The following ABCC9 variants were observed in gnomAD, a reference collection of about 807,000 sequenced individuals.
The protein encoded by ABCC9 is ATP binding cassette subfamily C member 9, also known as ATP-binding cassette sub-family C member 9.
ABCC9 carries 95 observed loss-of-function variants against 188.3 expected under a neutral mutation model. The ratio of observed to expected loss-of-function variants is 0.50; its 90% CI spans 0.43 to 0.60. The LOEUF is 0.60. Ranked by LOEUF, ABCC9 falls within the 20% of genes least tolerant of loss-of-function variation. ABCC9 has a pLI of 0.00. For synonymous variants in ABCC9, 659 were observed against 652.7 expected (o/e 1.01, Z -0.15); for missense variants, 1,102 against 1,876.3 (o/e 0.59, Z 7.62).
At chr12:21,889,901 C>G (rs1947068801) in intron 14 of ABCC9, among the ~76,000 whole-genome samples, 1 of 152,068 alleles carries the variant, frequency 6.6e-6, no homozygotes. Flanking sequence ...TCCCATGTCC[C>G]CAGTCATTCT....
chr12:21,885,263 T>A (rs891949372), intron 15 of ABCC9, among the ~76,000 whole-genome samples: 2 of 152,212 alleles, frequency 1.3e-5, no homozygotes, highest in East Asian at 1.9e-4. Context: ...CACTCCATTT[T>A]AAAAAGTTTG....
intron 17 of ABCC9, among the ~76,000 whole-genome samples, chr12:21,875,009 A>G (rs1030884479): frequency 2.6e-5 from 4 of 152,200 alleles, no homozygotes; most frequent in Non-Finnish European, 5.9e-5. Flanking sequence ...ACGATTAACA[A>G]TATAGTACTG....
intron 30 of ABCC9, among the ~76,000 whole-genome samples, chr12:21,835,147 G>A (rs1429536782): frequency 6.6e-6 from 1 of 152,112 alleles, no homozygotes; most frequent in South Asian, 2.1e-4. Context: ...CAAACAGTCT[G>A]TCCAAATTAG....
At chr12:21,903,836 A>T (rs1039014996) in intron 12 of ABCC9, among the ~76,000 whole-genome samples, 11 of 152,234 alleles carry the variant, frequency 7.2e-5, no homozygotes, top group Non-Finnish European at 1.5e-4. Flanking sequence ...AATCAATATC[A>T]TGAAAATGGG....
At chr12:21,827,809 G>A (rs933839205) in intron 31 of ABCC9, among the ~76,000 whole-genome samples, 7 of 152,154 alleles carry the variant, frequency 4.6e-5, no homozygotes, top group Admixed American at 4.6e-4. Flanking sequence ...TAACTATGCT[G>A]TGCTGTTGAA....
chr12:21,821,668 T>C (rs1346595396), intron 31 of ABCC9, among the ~76,000 whole-genome samples: 2 of 152,180 alleles, frequency 1.3e-5, no homozygotes, highest in East Asian at 1.9e-4. Context: ...ATGGAAATCT[T>C]TGTATTCTAT....
chr12:21,941,401 C>G lies in ABCC9; in HGVS notation c.-338G>C, dbSNP rs1399726684. ...CCGCGCCTGGGGCCGGAGACCTTCC[C>G]CATCCCTGCTCTGCTCAGCTTTGAC... On this transcript the variant is annotated 5_prime_UTR_variant, in exon 1 of 40. Transcript: ENST00000261200. The surrounding 1 kb of genome is among the most constrained non-coding windows in gnomAD (Gnocchi z 5.4). The G allele has an allele frequency of 6.6e-6, 1 of 152,456 alleles. No individual in the cohort carries two copies. The highest frequency in any genetic ancestry group is 2.4e-5 in the African/African-American group (1 of 41,488). 9.4% of individuals were successfully genotyped at this position (152,456 alleles called of 1,614,324 possible). A position where few individuals can be genotyped will look rare whatever the true frequency, so the allele number is the denominator to read the frequency against.
chr12:21,841,018 G>A (rs1011953203), intron 29 of ABCC9, among the ~76,000 whole-genome samples: 17 of 152,092 alleles, frequency 1.1e-4, no homozygotes, highest in Non-Finnish European at 1.8e-4. Context: ...CCATGTATTA[G>A]GATTACTTTG....
At chr12:21,814,567 T>G (rs1377742510) in intron 35 of ABCC9, 77 bp downstream of exon 35, 1 of 1,237,108 alleles carries the variant, frequency 8.1e-7, no homozygotes. Flanking sequence ...TTTTGATTTC[T>G]GCAGGATTAG....
chr12:21,850,235 A>G (rs1944893733), intron 24 of ABCC9, among the ~76,000 whole-genome samples: 1 of 151,766 alleles, frequency 6.6e-6, no homozygotes, highest in Non-Finnish European at 1.5e-5. Flanking sequence ...CTAGGAGGGA[A>G]AATTGGCCCA....
At chr12:21,908,245 A>G (rs984743889) in intron 10 of ABCC9, 34 bp from the exon 11 acceptor site, 1 of 1,610,158 alleles carries the variant, frequency 6.2e-7, no homozygotes, top group Non-Finnish European at 8.5e-7. Flanking sequence ...AGAGAAGATG[A>G]ATGGGTTGTG....
intron 3 of ABCC9, among the ~76,000 whole-genome samples, chr12:21,935,331 T>C (rs1019104095): frequency 6.6e-6 from 1 of 152,186 alleles, no homozygotes; most frequent in African/African-American, 2.4e-5. Flanking sequence ...ATGGCCATTC[T>C]GGTCTCAATA....
chr12:21,939,245 G>A (rs556042934), intron 2 of ABCC9, among the ~76,000 whole-genome samples: 2 of 152,004 alleles, frequency 1.3e-5, no homozygotes, highest in Non-Finnish European at 2.9e-5. Context: ...TTACCTTACC[G>A]CATGTCTCCT....
At chr12:21,920,713 AC>A (rs1027149662) in intron 5 of ABCC9, among the ~76,000 whole-genome samples, 5 of 151,830 alleles carry the variant, frequency 3.3e-5, no homozygotes, top group African/African-American at 1.2e-4. Flanking sequence ...CTCTCCCAGC[AC>A]CCCACGACCC....
intron 7 of ABCC9, among the ~76,000 whole-genome samples, chr12:21,915,436 ATG>A (rs1948540977): frequency 8.8e-6 from 1 of 113,242 alleles, no homozygotes; most frequent in East Asian, 2.6e-4. Flanking sequence ...GTGTGTATAT[ATG>A]TGTATATATG....
At chr12:21,828,326 A>G (rs1273266683) in intron 31 of ABCC9, 1 of 155,622 alleles carries the variant, frequency 6.4e-6, no homozygotes, top group Non-Finnish European at 1.4e-5. Flanking sequence ...TTCGAAAGAC[A>G]TTTCTTGAAT....
intron 24 of ABCC9, among the ~76,000 whole-genome samples, chr12:21,850,091 A>G (rs983975882): frequency 9.9e-5 from 15 of 151,542 alleles, no homozygotes; most frequent in African/African-American, 3.6e-4. Flanking sequence ...CACAGTTGAC[A>G]TTTGAGCTGG....
rs1169246931 is a variant in ABCC9 at position 21,910,961 on chromosome 12, T to C, written c.1029A>G (p.Ser343=). ...NNTTGISETL[S]SKEFLENAYV... ...AAGCGTTTTCAAGAAATTCCTTTGA[T>C]GAGAGGGTTTCTGAAATCTGGTCCC... Residue 343 remains serine, a synonymous_variant, in exon 9 of 40, where the codon TCA becomes TCG. Transcript: ENST00000261200. 1.2e-6 allele frequency: 2 copies of C among 1,611,976 alleles called. No individual in the cohort carries two copies. The highest frequency in any genetic ancestry group is 1.1e-5 in the South Asian group (1 of 91,038).
intron 30 of ABCC9, among the ~76,000 whole-genome samples, chr12:21,830,467 G>A (rs187357893): frequency 1.1e-4 from 16 of 152,208 alleles, no homozygotes; most frequent in Middle Eastern, 3.4e-3. Context: ...CTGACAAAAT[G>A]GCAGTGATTC....
Sources: allele counts gnomAD v4.1 joint callset (sites outside exome capture counted in the v4.1 genomes callset), GRCh38; gene constraint gnomAD v4.1.1; non-coding constraint Gnocchi (gnomAD v3.1); transcripts MANE v1.5; gene names NCBI Gene and HGNC (gene_info 2026-07-23, HGNC 2026-07-21).